TOX: variants seen among roughly 807,000 people sequenced by gnomAD.
TOX encodes the protein thymocyte selection associated high mobility group box.
A neutral mutation model predicts 53.7 loss-of-function variants in TOX; 11 were observed. That is an observed-to-expected ratio of 0.20 (90% CI 0.13 to 0.34). The LOEUF is 0.34. Ranked by LOEUF, TOX falls within the 10% of genes least tolerant of loss-of-function variation. The pLI is 1.00. For synonymous variants in TOX, 225 were observed against 245.3 expected (o/e 0.92, Z 0.77); for missense variants, 570 against 664.6 (o/e 0.86, Z 1.56).
chr8:58,874,897 G>A (rs2129170335), intron 3 of TOX, among the ~76,000 whole-genome samples: 1 of 152,310 alleles, frequency 6.6e-6, no homozygotes, highest in African/African-American at 2.4e-5. Flanking sequence ...GAGCGCTGAT[G>A]AGCTAAAATA....
rs866633885 is a variant in TOX at position 59,026,032 on chromosome 8, G to A, written c.103-66024C>T. On this transcript the variant is annotated intron_variant, in intron 1 of 8. Transcript: ENST00000361421. ...CTTTATCGAGGTGCAAGTTTCAAGA[G>A]TGGCAAAAAAATGAGACCAAGTTTA... 8.5e-5 allele frequency among the ~76,000 whole-genome samples: 13 copies of A among 152,192 alleles called. No homozygotes were observed. The East Asian group carries it at 1.2e-3, about 14-fold the overall frequency.
chr8:58,976,324 C>T (rs1330413672), intron 1 of TOX, among the ~76,000 whole-genome samples: 2 of 149,218 alleles, frequency 1.3e-5, no homozygotes, highest in Non-Finnish European at 3.0e-5. Context: ...ACTCTCTTTG[C>T]TTATCCATAT....
intron 1 of TOX, among the ~76,000 whole-genome samples, chr8:59,074,771 C>T (rs990624937): frequency 2.0e-5 from 3 of 152,032 alleles, no homozygotes; most frequent in African/African-American, 4.8e-5. Context: ...ATTAAAGGAG[C>T]GACAGCAGCG....
chr8:59,048,199 A>G (rs1803723874), intron 1 of TOX, among the ~76,000 whole-genome samples: 1 of 152,220 alleles, frequency 6.6e-6, no homozygotes, highest in Non-Finnish European at 1.5e-5. Flanking sequence ...ATCAGCAAAG[A>G]AAATATCTTT....
intron 3 of TOX, among the ~76,000 whole-genome samples, chr8:58,903,575 A>G (rs1811764625): frequency 1.3e-5 from 2 of 152,198 alleles, no homozygotes; most frequent in South Asian, 4.1e-4. Context: ...GTGTTCCATC[A>G]ATTCCAGGAA....
At chr8:59,014,580 A>G (rs1327282014) in intron 1 of TOX, among the ~76,000 whole-genome samples, 1 of 152,224 alleles carries the variant, frequency 6.6e-6, no homozygotes, top group Non-Finnish European at 1.5e-5. Context: ...ACTTGTGAAG[A>G]GTGGATGGAA....
intron 1 of TOX, among the ~76,000 whole-genome samples, chr8:58,974,000 G>A (rs541173110): frequency 4.8e-4 from 73 of 152,180 alleles, no homozygotes; most frequent in African/African-American, 1.7e-3. Flanking sequence ...GTTTCACCAT[G>A]TTGACCAGGC....
chr8:59,044,521 A>C (rs1304483641), intron 1 of TOX, among the ~76,000 whole-genome samples: 1 of 152,192 alleles, frequency 6.6e-6, no homozygotes, highest in Admixed American at 6.5e-5. Flanking sequence ...AATATTTATA[A>C]CATTTTATAT....
chr8:58,890,447 G>A (rs1811543216), intron 3 of TOX, among the ~76,000 whole-genome samples: 1 of 152,072 alleles, frequency 6.6e-6, no homozygotes, highest in African/African-American at 2.4e-5. Context: ...AATTTCAGAT[G>A]GGCAGGAAAG....
intron 3 of TOX, among the ~76,000 whole-genome samples, chr8:58,858,515 C>T (rs983506252): frequency 1.3e-5 from 2 of 152,218 alleles, no homozygotes; most frequent in African/African-American, 4.8e-5. Flanking sequence ...ACATGGGTAG[C>T]CCTGAGGCCT....
intron 1 of TOX, among the ~76,000 whole-genome samples, chr8:58,982,897 A>G (rs1165511066): frequency 1.3e-5 from 2 of 152,168 alleles, no homozygotes; most frequent in African/African-American, 4.8e-5. Context: ...TGCTCAGTGA[A>G]GCCAAACCAA....
chr8:58,807,930 G>C, intron 8 of TOX, 147 bp from the exon 9 acceptor site: 1 of 1,274,644 alleles, frequency 7.8e-7, no homozygotes, highest in East Asian at 2.4e-5. Context: ...TCTGAAGTGA[G>C]AAGTGAGCTA....
At chr8:59,088,392 G>C (rs566707474) in intron 1 of TOX, among the ~76,000 whole-genome samples, 1 of 152,296 alleles carries the variant, frequency 6.6e-6, no homozygotes, top group Admixed American at 6.5e-5. Context: ...AATATAATCA[G>C]ACGTAAGTTT....
At chr8:59,090,950 T>C (rs1804597676) in intron 1 of TOX, among the ~76,000 whole-genome samples, 1 of 152,064 alleles carries the variant, frequency 6.6e-6, no homozygotes, top group Admixed American at 6.5e-5. Context: ...CCAGCCTCAG[T>C]AGGTCCCTAT....
Position 59,092,275 on chromosome 8 carries a change from A to ATATTATATATACATTATATATAT in TOX, c.102+26610_102+26611insATATATATAATGTATATATAATA, listed in dbSNP as rs1554545768. On this transcript the variant is annotated intron_variant, in intron 1 of 8. Transcript: ENST00000361421. ...TCATATATATATATTTTATATATAT[A>ATATTATATATACATTATATATAT]TATATATTATATATACATTATATAT... 8.7e-5 allele frequency among the ~76,000 whole-genome samples: 8 copies of ATATTATATATACATTATATATAT among 91,860 alleles called. 1 individual carries two copies. The African/African-American group carries it at 1.1e-3, about 13-fold the overall frequency. 60.3% of individuals were successfully genotyped at this position (91,860 alleles called of 152,430 possible).
At chr8:59,034,848 C>T (rs979030479) in intron 1 of TOX, among the ~76,000 whole-genome samples, 1 of 152,190 alleles carries the variant, frequency 6.6e-6, no homozygotes, top group African/African-American at 2.4e-5. Context: ...CTCATTTTGT[C>T]CACACAGCAA....
chr8:58,808,011 G>A, intron 8 of TOX, 107 bp downstream of exon 8: 1 of 1,465,172 alleles, frequency 6.8e-7, no homozygotes, highest in African/African-American at 1.4e-5. Context: ...TCATGAACGT[G>A]AAACTATCCC....
intron 6 of TOX, among the ~76,000 whole-genome samples, chr8:58,823,029 T>C (rs137967036): frequency 5.3e-4 from 80 of 152,326 alleles, no homozygotes; most frequent in African/African-American, 1.7e-3. Context: ...ACGGATGCCA[T>C]GTATATTTTT....
chr8:58,947,327 T>G lies in TOX; in HGVS notation c.169-7783A>C, dbSNP rs567177168. Among the ~76,000 whole-genome samples, 6 of 152,194 alleles carry G rather than the reference T, an allele frequency of 3.9e-5. No individual in the cohort carries two copies. The South Asian group carries it at 1.2e-3, about 32-fold the overall frequency. Reference sequence around the variant, plus strand: ...ACTCAGAGATTAAGCAGAACAAAAGTTGATTATATGAGATTGAATAACTGA... The same window carrying G: ...ACTCAGAGATTAAGCAGAACAAAAGGTGATTATATGAGATTGAATAACTGA... On this transcript the variant is annotated intron_variant, in intron 2 of 8. Coordinates refer to ENST00000361421, the MANE Select transcript of TOX (RefSeq NM_014729.3).
Sources: gnomAD v4.1 joint callset for allele counts (sites outside exome capture counted in the v4.1 genomes callset) on GRCh38, gnomAD v4.1.1 for gene constraint, MANE v1.5 for transcripts, NCBI Gene and HGNC (gene_info 2026-07-23, HGNC 2026-07-21) for gene names.